Variants in SFT2D2 observed in about 807,000 individuals in gnomAD.
The protein encoded by SFT2D2 is SFT2 domain containing 2, also known as vesicle transport protein SFT2B.
A neutral mutation model predicts 27.4 loss-of-function variants in SFT2D2; 21 were observed. The ratio of observed to expected loss-of-function variants is 0.77; its 90% CI spans 0.54 to 1.10. The LOEUF (loss-of-function observed/expected upper bound fraction) is 1.10, where lower values mean the gene tolerates loss of function less well. SFT2D2 is among the 50% of genes least tolerant of loss of function. The pLI, the probability that SFT2D2 is intolerant of heterozygous loss-of-function variation, is 0.00. For missense variants in SFT2D2, 187 were observed against 194.2 expected (o/e 0.96, Z 0.22); for synonymous variants, 72 against 71.7 (o/e 1.00, Z -0.02).
Position 168,247,779 on chromosome 1 carries a change from A to G in SFT2D2, c.*5239A>G, listed in dbSNP as rs965213149. ...TCTTTCACAATGGTTGAACTAATTT[A>G]CACTCCCACCAACAGTGTAAAAGTA... On this transcript the variant is annotated 3_prime_UTR_variant, in exon 8 of 8. Transcript: ENST00000271375. 1.3e-5 allele frequency: 2 copies of G among 152,192 alleles called. No individual in the cohort carries two copies. Among genetic ancestry groups the G allele is most frequent in the African/African-American group, 4.8e-5 (2 of 41,428 alleles). 9.4% of individuals were successfully genotyped at this position (152,192 alleles called of 1,614,324 possible). A position where few individuals can be genotyped will look rare whatever the true frequency, so the allele number is the denominator to read the frequency against.
Position 168,243,725 on chromosome 1 carries a change from C to T in SFT2D2, c.*1185C>T, listed in dbSNP as rs1647715756. On this transcript the variant is annotated 3_prime_UTR_variant, in exon 8 of 8. Transcript: ENST00000271375. Reference sequence around the variant, plus strand: ...ACTGGTTTTTGGATCCACCCAAAGCCACAGCTTCAGCCTCCTTCATGACCC... The same window carrying T: ...ACTGGTTTTTGGATCCACCCAAAGCTACAGCTTCAGCCTCCTTCATGACCC... 6.5e-6 allele frequency: 1 copy of T among 152,674 alleles called. No homozygotes were observed. The highest frequency in any genetic ancestry group is 1.5e-5 in the Non-Finnish European group (1 of 68,386). The allele number at this position is 152,674 out of a possible 1,614,324, so 9.5% of individuals were successfully genotyped here.
At chr1:168,239,952 G>C (rs1647603165) in intron 7 of SFT2D2, among the ~76,000 whole-genome samples, 1 of 151,946 alleles carries the variant, frequency 6.6e-6, no homozygotes, top group South Asian at 2.1e-4. Flanking sequence ...GAGGCGGGTG[G>C]ATCCTGCTGT....
At chr1:168,236,081 C>T (rs1341699646) in intron 4 of SFT2D2, among the ~76,000 whole-genome samples, 3 of 152,308 alleles carry the variant, frequency 2.0e-5, no homozygotes, top group East Asian at 1.9e-4. Context: ...CAGATGCCCA[C>T]GGCCTGGACA....
rs536093153 is a variant in SFT2D2 at position 168,238,286 on chromosome 1, AATTAAT to A, written c.414-843_414-838del. Among the ~76,000 whole-genome samples, 953 of 152,018 alleles carry A rather than the reference AATTAAT, an allele frequency of 6.3e-3. 7 individuals carry two copies. The highest frequency in any genetic ancestry group is 0.021 in the African/African-American group (852 of 41,410). ...TTTATTCTCTTTTCTCTTCTTTTAA[AATTAAT>A]AGGAGCAGAGCAGAAAATTTATCCC... On this transcript the variant is annotated intron_variant, in intron 6 of 7. Transcript: ENST00000271375.
rs573697983 is a variant in SFT2D2, at chr1:168,246,937, C to T, written c.*4397C>T. 1.6e-6 allele frequency: 1 copy of T among 633,766 alleles called. No individual in the cohort carries two copies. The highest frequency in any genetic ancestry group is 1.8e-5 in the African/African-American group (1 of 54,242). 39.3% of individuals were successfully genotyped at this position (633,766 alleles called of 1,614,324 possible). On this transcript the variant is annotated 3_prime_UTR_variant, in exon 8 of 8. Transcript: ENST00000271375. Reference sequence around the variant, plus strand: ...ATTTGATTTTTTATTGTGTGTATTTCCAGCCTGAGCCTGGCAATTTCATCT... The same window carrying T: ...ATTTGATTTTTTATTGTGTGTATTTTCAGCCTGAGCCTGGCAATTTCATCT...
chr1:168,238,877 G>A (rs775435276), intron 6 of SFT2D2, among the ~76,000 whole-genome samples: 1 of 152,178 alleles, frequency 6.6e-6, no homozygotes, highest in East Asian at 1.9e-4. Flanking sequence ...GAGGTCATAC[G>A]GGTTATCTCC....
At chr1:168,226,542 C>T (rs1437836310) in intron 1 of SFT2D2, among the ~76,000 whole-genome samples, 2 of 152,046 alleles carry the variant, frequency 1.3e-5, no homozygotes, top group African/African-American at 2.4e-5. Context: ...GCCCCAGACC[C>T]GGACTGGGGT....
At position 168,231,883 on chromosome 1, in the gene SFT2D2, T is replaced by G; in HGVS notation, c.200T>G (p.Val67Gly). ...AGGAAGGGACTACACCTCTTCGCAG[T>G]GTTTTATACCTTTGGTAATATCGCA... ...VPRKGLHLFA[V>G]FYTFGNIASI... Residue 67 changes from valine (V) to glycine (G), a missense_variant, in exon 3 of 8, where the codon GTG becomes GGG. Transcript: ENST00000271375. 1 of 1,614,176 alleles carries G rather than the reference T, an allele frequency of 6.2e-7. No homozygotes were observed. The highest frequency in any genetic ancestry group is 1.1e-5 in the South Asian group (1 of 91,084).
At position 168,231,549 on chromosome 1, in the gene SFT2D2, G is replaced by A; in HGVS notation, c.99G>A (p.Arg33=). 2 of 1,613,988 alleles carry A rather than the reference G, an allele frequency of 1.2e-6. No individual in the cohort carries two copies. The highest frequency in any genetic ancestry group is 1.7e-6 in the Non-Finnish European group (2 of 1,180,006). ...CATCTTCATTAAGCTGGAGTACCAG[G>A]ATAAAAGGCTTCATTGCGTGTTTTG... is the stretch of plus-strand genomic sequence containing the variant. ...VEASSLSWST[R]IKGFIACFAI... The change falls in exon 2 of 8, where the codon AGG becomes AGA. Residue 33 remains arginine (R), a synonymous_variant. Transcript: ENST00000271375.
chr1:168,240,636 C>T (rs551281535), intron 7 of SFT2D2, among the ~76,000 whole-genome samples: 15 of 152,156 alleles, frequency 9.9e-5, no homozygotes, highest in East Asian at 3.9e-4. Context: ...AATCATAGGC[C>T]GGGCACGGTA....
rs1206316292 is a variant in SFT2D2, at chr1:168,242,673, C to T, written c.*133C>T. The T allele has an allele frequency of 1.4e-5, 16 of 1,103,942 alleles. No homozygotes were observed. The highest frequency in any genetic ancestry group is 4.6e-5 in the African/African-American group (3 of 64,806). The allele number at this position is 1,103,942 out of a possible 1,614,324, so 68.4% of individuals were successfully genotyped here. On this transcript the variant is annotated 3_prime_UTR_variant, in exon 8 of 8. Transcript: ENST00000271375. ...TTGCAGCAATGTGTTGCTTGTGATTCGAACATTTGAGGGTTACTTTTGGAA... is the reference window on the plus strand; with the variant it reads ...TTGCAGCAATGTGTTGCTTGTGATTTGAACATTTGAGGGTTACTTTTGGAA...
At position 168,236,714 on chromosome 1, in the gene SFT2D2, G is replaced by A; in HGVS notation, c.357G>A (p.Trp119Ter). 3.7e-6 allele frequency: 6 copies of A among 1,614,068 alleles called. No individual in the cohort carries two copies. The highest frequency in any genetic ancestry group is 5.1e-6 in the Non-Finnish European group (6 of 1,180,012). The change falls in exon 6 of 8, where the codon TGG (tryptophan) becomes TGA (stop). Residue 119 changes from tryptophan to a stop codon, truncating the protein, a stop_gained and splice_region_variant. Coordinates refer to ENST00000271375, the MANE Select transcript of SFT2D2 (RefSeq NM_199344.3). LOFTEE classifies it high-confidence loss of function. ...TAACCATATTATTATTTTTCCAGTG[G>A]CATAACAAGGGACTTGCACTTATCT... is the stretch of plus-strand genomic sequence containing the variant. ...FALTLCSAFW[W>*]HNKGLALIFC...
In SFT2D2 at chr1:168,239,153, T is replaced by G. The variant is rs767375956; in HGVS notation, c.436T>G (p.Phe146Val). The change falls in exon 7 of 8, where the codon TTT becomes GTT. Residue 146 changes from phenylalanine to valine, a missense_variant. By Grantham distance (50) the Phe-to-Val change is conservative (BLOSUM62 -1). Coordinates refer to ENST00000271375, the MANE Select transcript of SFT2D2 (RefSeq NM_199344.3). ...LTWYSLSFIP[F>V]ARDAVKKCFA... ...TAGGTACAGCCTTTCCTTCATACCA[T>G]TTGCAAGGTAAGACTGTGTATTTGG... The G allele has an allele frequency of 6.2e-7, 1 of 1,606,890 alleles. No individual in the cohort carries two copies. Among genetic ancestry groups the G allele is most frequent in the Non-Finnish European group, 8.5e-7 (1 of 1,173,400 alleles).
chr1:168,240,851 G>T (rs1402288468), intron 7 of SFT2D2, among the ~76,000 whole-genome samples: 1 of 152,092 alleles, frequency 6.6e-6, no homozygotes, highest in Non-Finnish European at 1.5e-5. Context: ...GGCGGAGGTT[G>T]CACTGAGCCG....
chr1:168,234,040 A>G (rs1328016013), intron 3 of SFT2D2, among the ~76,000 whole-genome samples: 1 of 152,122 alleles, frequency 6.6e-6, no homozygotes, highest in African/African-American at 2.4e-5. Context: ...GATGTGTTAG[A>G]CATGACAGTC....
chr1:168,236,537 T>A (rs1328217177), intron 4 of SFT2D2, 52 bp from the exon 5 acceptor site: 21 of 1,558,392 alleles, frequency 1.3e-5, no homozygotes, highest in Non-Finnish European at 1.7e-5. Flanking sequence ...TTTGAGTTTT[T>A]TTTTTCCTGC....
In SFT2D2 at chr1:168,243,508, T is replaced by A. The variant is rs1484270497; in HGVS notation, c.*968T>A. 1 of 152,244 alleles carries A rather than the reference T, an allele frequency of 6.6e-6. No homozygotes were observed. The highest frequency in any genetic ancestry group is 1.5e-5 in the Non-Finnish European group (1 of 68,084). 9.4% of individuals were successfully genotyped at this position (152,244 alleles called of 1,614,324 possible). A position where few individuals can be genotyped will look rare whatever the true frequency, so the allele number is the denominator to read the frequency against. ...GTAGGCACGCCTGCCCAGTGACCTT[T>A]AAATAGTCCCAGTGTTTGCACTTAG... On this transcript the variant is annotated 3_prime_UTR_variant, in exon 8 of 8. Coordinates refer to ENST00000271375, the MANE Select transcript of SFT2D2 (RefSeq NM_199344.3).
At chr1:168,237,184 A>G (rs1344288865) in intron 6 of SFT2D2, among the ~76,000 whole-genome samples, 1 of 152,250 alleles carries the variant, frequency 6.6e-6, no homozygotes, top group African/African-American at 2.4e-5. Flanking sequence ...AATGAATGTT[A>G]CATTTGTGAT....
In SFT2D2 at chr1:168,245,433, G is replaced by A. The variant is rs1266555347; in HGVS notation, c.*2893G>A. 6.6e-6 allele frequency: 1 copy of A among 152,058 alleles called. No individual in the cohort carries two copies. The highest frequency in any genetic ancestry group is 1.5e-5 in the Non-Finnish European group (1 of 67,988). 9.4% of individuals were successfully genotyped at this position (152,058 alleles called of 1,614,324 possible). On this transcript the variant is annotated 3_prime_UTR_variant, in exon 8 of 8. Transcript: ENST00000271375. ...TTATCTGTACACTGATAACTAAAAA[G>A]CATTGCTAAGAAAAATTAAGACCTA...
Sources: gnomAD v4.1 joint callset for allele counts (sites outside exome capture counted in the v4.1 genomes callset) on GRCh38, gnomAD v4.1.1 for gene constraint, MANE v1.5 for transcripts, NCBI Gene and HGNC (gene_info 2026-07-23, HGNC 2026-07-21) for gene names.